ARHGEF17: variants seen among roughly 807,000 people sequenced by gnomAD.
ARHGEF17 encodes the protein 164 kDa Rho-specific guanine-nucleotide exchange factor.
A neutral mutation model predicts 174.0 loss-of-function variants in ARHGEF17; 80 were observed. The observed-to-expected ratio is 0.46, with a 90% CI of 0.38 to 0.55. The LOEUF is 0.55. Ranked by LOEUF, ARHGEF17 falls within the 20% of genes least tolerant of loss-of-function variation. The probability of loss-of-function intolerance (pLI) is 0.00; values close to 1 mark genes in which losing one functional copy is unlikely to be tolerated. For missense variants in ARHGEF17, 2,886 were observed against 2,839.7 expected, an observed-to-expected ratio of 1.02 and a Z score of -0.37; for synonymous variants, 1,311 against 1,189.1, an observed-to-expected ratio of 1.10 and a Z score of -2.11.
chr11:73,312,199 C>T (rs1165236331), intron 1 of ARHGEF17, among the ~76,000 whole-genome samples: 1 of 152,176 alleles, frequency 6.6e-6, no homozygotes, highest in Non-Finnish European at 1.5e-5. Flanking sequence ...CCAGCGCAGG[C>T]TCAGTCCTTT....
At chr11:73,321,180 C>T (rs117565679) in intron 1 of ARHGEF17, among the ~76,000 whole-genome samples, 3,545 of 152,330 alleles carry the variant, frequency 0.023, 58 homozygotes, top group Non-Finnish European at 0.037. Flanking sequence ...TCAGTGGCTC[C>T]GAGCCTGGTT....
chr11:73,310,887 C>T lies in ARHGEF17; in HGVS notation c.2249C>T (p.Pro750Leu). 3 of 1,613,074 alleles carry T rather than the reference C, an allele frequency of 1.9e-6. No homozygotes were observed. The highest frequency in any genetic ancestry group is 2.5e-6 in the Non-Finnish European group (3 of 1,179,502). Residue 750 changes from proline (P) to leucine (L), a missense_variant, in exon 1 of 21, where the codon CCT becomes CTT. By Grantham distance (98) the Pro-to-Leu change is moderately conservative (BLOSUM62 -3). Around this residue, in one of 4 missense-constraint regions of ARHGEF17, gnomAD observed 1,728 missense variants for 1,461.2 expected, o/e 1.18. Coordinates refer to ENST00000263674, the MANE Select transcript of ARHGEF17 (RefSeq NM_014786.4). ...QRHRAATSEEPTGFSVDSNLL... is the reference protein window; with the variant it reads ...QRHRAATSEELTGFSVDSNLL... ...CACCGGGCTGCCACCTCTGAAGAGC[C>T]TACTGGGTTCTCTGTGGACAGCAAC... is the stretch of plus-strand genomic sequence containing the variant.
chr11:73,335,773 C>G (rs1252357158), intron 1 of ARHGEF17, among the ~76,000 whole-genome samples: 1 of 152,210 alleles, frequency 6.6e-6, no homozygotes, highest in African/African-American at 2.4e-5. Context: ...ACCTCACCCC[C>G]ACCACCTCTG....
Position 73,351,928 on chromosome 11 carries a change from A to C in ARHGEF17, c.3271-902A>C, listed in dbSNP as rs181086144. On this transcript the variant is annotated intron_variant, in intron 2 of 20. Transcript: ENST00000263674. ...ACTACGAGATTTCCATATGTCATCC[A>C]TTCTGAGACTCGTGGTCTTCGCGTT... 1.8e-4 allele frequency among the ~76,000 whole-genome samples: 27 copies of C among 152,290 alleles called. No individual in the cohort carries two copies. The East Asian group carries it at 5.0e-3, about 28-fold the overall frequency.
Position 73,311,580 on chromosome 11 carries a change from C to T in ARHGEF17, c.2942C>T (p.Pro981Leu). ...VPEPPTSVGP[P>L]VAVPEPIGFP... The stretch of plus-strand genomic sequence containing the variant: ...GAGCCACCAACTTCTGTTGGTCCCC[C>T]TGTGGCTGTGCCAGAACCCATAGGC... Residue 981 changes from proline to leucine, a missense_variant, in exon 1 of 21, where the codon CCT (proline) becomes CTT (leucine). Transcript: ENST00000263674. 2 of 1,613,632 alleles carry T rather than the reference C, an allele frequency of 1.2e-6. No homozygotes were observed. The highest frequency in any genetic ancestry group is 1.7e-6 in the Non-Finnish European group (2 of 1,180,030).
intron 20 of ARHGEF17, among the ~76,000 whole-genome samples, chr11:73,366,769 G>A (rs996153841): frequency 1.3e-5 from 2 of 152,132 alleles, no homozygotes; most frequent in African/African-American, 2.4e-5. Flanking sequence ...GCCGGGCGTG[G>A]TGGCTGACAC....
chr11:73,364,135 C>T, intron 16 of ARHGEF17, 37 bp from the exon 17 acceptor site: 1 of 1,611,322 alleles, frequency 6.2e-7, no homozygotes, highest in Admixed American at 1.7e-5. Flanking sequence ...CTTTGGCTGC[C>T]TGAACTCCCT....
In ARHGEF17 at chr11:73,347,168, G is replaced by A. The variant is rs1044884667; in HGVS notation, c.3270+208G>A. On this transcript the variant is annotated intron_variant, in intron 2 of 20. Coordinates refer to ENST00000263674, the MANE Select transcript of ARHGEF17 (RefSeq NM_014786.4). ...CCCGGGCAAGAGAGAATGCAGAGGG[G>A]CCAGGCCACCCCAGGGCAGGCGTCC... 2.2e-5 allele frequency: 15 copies of A among 679,392 alleles called. No homozygotes were observed. In the African/African-American group the frequency reaches 2.3e-4, roughly 10 times the overall value. The allele number at this position is 679,392 out of a possible 1,614,324, so 42.1% of individuals were successfully genotyped here. A position where few individuals can be genotyped will look rare whatever the true frequency, so the allele number is the denominator to read the frequency against.
intron 1 of ARHGEF17, among the ~76,000 whole-genome samples, chr11:73,327,748 G>A (rs1023668160): frequency 9.9e-5 from 15 of 152,082 alleles, no homozygotes; most frequent in African/African-American, 3.6e-4. Flanking sequence ...TGATGCTGGT[G>A]AGTCAGCAAG....
At chr11:73,328,111 G>C (rs1375458082) in intron 1 of ARHGEF17, among the ~76,000 whole-genome samples, 1 of 152,180 alleles carries the variant, frequency 6.6e-6, no homozygotes, top group Non-Finnish European at 1.5e-5. Context: ...GGGAGGGAGG[G>C]AAGTGACCTA....
chr11:73,349,570 C>T (rs1342978447), intron 2 of ARHGEF17, among the ~76,000 whole-genome samples: 1 of 152,130 alleles, frequency 6.6e-6, no homozygotes, highest in African/African-American at 2.4e-5. Context: ...GAGCCGAGAT[C>T]CTGCCACTGC....
At chr11:73,322,751 C>G (rs530442779) in intron 1 of ARHGEF17, among the ~76,000 whole-genome samples, 1 of 152,042 alleles carries the variant, frequency 6.6e-6, no homozygotes, top group Non-Finnish European at 1.5e-5. Flanking sequence ...AGGGGCTCCC[C>G]TCTGCCAGCT....
At chr11:73,367,087 C>A (rs1170962910) in intron 20 of ARHGEF17, among the ~76,000 whole-genome samples, 2 of 152,028 alleles carry the variant, frequency 1.3e-5, no homozygotes, top group East Asian at 3.9e-4. Flanking sequence ...ATCAGGAGGC[C>A]ACAACCAGAA....
chr11:73,313,447 G>A (rs1864875501), intron 1 of ARHGEF17, among the ~76,000 whole-genome samples: 1 of 152,206 alleles, frequency 6.6e-6, no homozygotes. Context: ...GGGACTCAGG[G>A]AGACTGAAGG....
intron 2 of ARHGEF17, among the ~76,000 whole-genome samples, chr11:73,352,235 A>T (rs1865566163): frequency 6.6e-6 from 1 of 152,182 alleles, no homozygotes. Flanking sequence ...GAGGCAGGAG[A>T]ATCACTTGAA....
intron 1 of ARHGEF17, among the ~76,000 whole-genome samples, chr11:73,327,552 C>T (rs928519364): frequency 5.9e-5 from 9 of 152,246 alleles, no homozygotes; most frequent in Admixed American, 5.9e-4. Flanking sequence ...ACAGCCTAAG[C>T]TCCCACTTCT....
chr11:73,357,375 AGC>A, intron 9 of ARHGEF17, 48 bp downstream of exon 9: 1 of 1,554,036 alleles, frequency 6.4e-7, no homozygotes, highest in African/African-American at 1.4e-5. Flanking sequence ...TCCTCTGAGA[AGC>A]CCTCCTGGAG....
At chr11:73,341,391 C>T (rs1865365885) in intron 1 of ARHGEF17, among the ~76,000 whole-genome samples, 1 of 152,202 alleles carries the variant, frequency 6.6e-6, no homozygotes, top group Non-Finnish European at 1.5e-5. Context: ...ACCTCAACCT[C>T]CGCCTCCCGG....
rs558111725 is a variant in ARHGEF17 at position 73,368,160 on chromosome 11, T to G, written c.*380T>G. 5.1e-6 allele frequency: 1 copy of G among 197,656 alleles called. No homozygotes were observed. The highest frequency in any genetic ancestry group is 1.1e-4 in the East Asian group (1 of 8,748). 12.2% of individuals were successfully genotyped at this position (197,656 alleles called of 1,614,324 possible). A position where few individuals can be genotyped will look rare whatever the true frequency, so the allele number is the denominator to read the frequency against. Reference sequence around the variant, plus strand: ...AGCAGGAAGGCTGGGGAATTCCCCATGTACAGTATTTATGTTTCTTTTTAG... The same window carrying G: ...AGCAGGAAGGCTGGGGAATTCCCCAGGTACAGTATTTATGTTTCTTTTTAG... On this transcript the variant is annotated 3_prime_UTR_variant, in exon 21 of 21. Coordinates refer to ENST00000263674, the MANE Select transcript of ARHGEF17 (RefSeq NM_014786.4).
Sources: gnomAD v4.1 joint callset for allele counts (sites outside exome capture counted in the v4.1 genomes callset) on GRCh38, gnomAD v4.1.1 for gene constraint, gnomAD v4.1.1 regional missense constraint, MANE v1.5 for transcripts, NCBI Gene and HGNC (gene_info 2026-07-23, HGNC 2026-07-21) for gene names.